Variants in BLM observed in about 807,000 individuals in gnomAD.
The protein encoded by BLM is BLM RecQ like helicase.
In BLM, 95 loss-of-function variants were observed where a neutral mutation model predicts 135.3. The observed-to-expected ratio is 0.70, with a 90% CI of 0.59 to 0.83. BLM has a LOEUF of 0.83. BLM is among the 40% of genes least tolerant of loss of function. The pLI, the probability that BLM is intolerant of heterozygous loss-of-function variation, is 0.00. For missense variants in BLM, 1,518 were observed against 1,663.9 expected (o/e 0.91, Z 1.53); for synonymous variants, 520 against 589.2 (o/e 0.88, Z 1.70).
At chr15:90,781,643 A>G (rs1040639877) in intron 12 of BLM, among the ~76,000 whole-genome samples, 4 of 152,082 alleles carry the variant, frequency 2.6e-5, no homozygotes, top group Non-Finnish European at 4.4e-5. Flanking sequence ...ATAATAATAC[A>G]CTAACAGTAA....
chr15:90,741,657 A>G (rs1895367377), intron 1 of BLM, among the ~76,000 whole-genome samples: 1 of 152,108 alleles, frequency 6.6e-6, no homozygotes, highest in African/African-American at 2.4e-5. Flanking sequence ...AGCTATATTT[A>G]TCTTTAGCCA....
chr15:90,803,441 A>T (rs553315900), intron 17 of BLM, 80 bp from the exon 18 acceptor site: 2 of 1,330,546 alleles, frequency 1.5e-6, no homozygotes, highest in East Asian at 4.7e-5. Context: ...CCTGTCCATA[A>T]ATGACTTTTT....
chr15:90,786,747 C>T (rs999765614), intron 14 of BLM, among the ~76,000 whole-genome samples: 3 of 151,600 alleles, frequency 2.0e-5, no homozygotes, highest in East Asian at 2.0e-4. Context: ...CCCAAGTAGC[C>T]GGGACTATAG....
At chr15:90,784,327 CTT>C (rs769540432) in intron 13 of BLM, among the ~76,000 whole-genome samples, 992 of 69,970 alleles carry the variant, frequency 0.014, 8 homozygotes, top group African/African-American at 0.06. Context: ...AATGGCTTTT[CTT>C]TTTTTTTTTT....
intron 1 of BLM, among the ~76,000 whole-genome samples, chr15:90,745,257 C>G (rs1895469751): frequency 6.6e-6 from 1 of 151,988 alleles, no homozygotes; most frequent in African/African-American, 2.4e-5. Flanking sequence ...TAAGGATGAT[C>G]ACTGTATTGG....
chr15:90,794,983 C>A (rs1483631136), intron 16 of BLM, among the ~76,000 whole-genome samples: 1 of 152,024 alleles, frequency 6.6e-6, no homozygotes, highest in African/African-American at 2.4e-5. Context: ...TCATTAGGTA[C>A]TTATTTTACC....
chr15:90,760,319 A>G (rs1895939231), intron 6 of BLM, 40 bp downstream of exon 6: 1 of 1,612,236 alleles, frequency 6.2e-7, no homozygotes, highest in Non-Finnish European at 8.5e-7. Flanking sequence ...ATCTGATTAT[A>G]TTTCTACCAC....
At chr15:90,774,204 A>G (rs1042340020) in intron 12 of BLM, among the ~76,000 whole-genome samples, 67 of 150,534 alleles carry the variant, frequency 4.5e-4, no homozygotes, top group African/African-American at 1.5e-3. Flanking sequence ...CCTCCCAAGT[A>G]GCTGGGACTA....
At chr15:90,796,004 G>A (rs545238771) in intron 16 of BLM, among the ~76,000 whole-genome samples, 1 of 152,192 alleles carries the variant, frequency 6.6e-6, no homozygotes. Flanking sequence ...GTGGGGGTGT[G>A]CCTGGTGTGT....
At chr15:90,798,157 T>C (rs551899326) in intron 16 of BLM, 33 bp from the exon 17 acceptor site, 1 of 1,563,384 alleles carries the variant, frequency 6.4e-7, no homozygotes, top group East Asian at 2.3e-5. Context: ...GTTACCTTAA[T>C]TATAGCAGAA....
chr15:90,734,710 G>GAGAGAGAGAGAGAGAGACTTTATTCCTA (rs1895163994), intron 1 of BLM, among the ~76,000 whole-genome samples: 1 of 148,098 alleles, frequency 6.8e-6, no homozygotes, highest in Admixed American at 6.7e-5. Context: ...GAGAGAGAGA[G>GAGAGAGAGAGAGAGAGACTTTATTCCTA]AGAGAGAGAG....
rs61059865 is a variant in BLM, at chr15:90,789,987, GTTTTTTTTTTTTTTTTTTTTTTT to G, written c.2824-648_2824-626del. Among the ~76,000 whole-genome samples, 3 of 57,378 alleles carry G rather than the reference GTTTTTTTTTTTTTTTTTTTTTTT, an allele frequency of 5.2e-5. No homozygotes were observed. The Admixed American group carries it at 7.1e-4, about 14-fold the overall frequency. The allele number at this position is 57,378 out of a possible 152,430, so 37.6% of individuals were successfully genotyped here. On this transcript the variant is annotated intron_variant, in intron 14 of 21. Coordinates refer to ENST00000355112, the MANE Select transcript of BLM (RefSeq NM_000057.4). ...AGGTCTAAGATCCGCAGTCCCTGGT[GTTTTTTTTTTTTTTTTTTTTTTT>G]TTTTTTTTTTTTTGGTATAAGTAGC...
intron 1 of BLM, among the ~76,000 whole-genome samples, chr15:90,743,613 C>T (rs1596212343): frequency 1.3e-5 from 2 of 152,122 alleles, no homozygotes; most frequent in East Asian, 3.9e-4. Flanking sequence ...GATCATAGTG[C>T]ACTACAGCCC....
rs1285727934 is a variant in BLM at position 90,761,214 on chromosome 15, C to G, written c.1841C>G (p.Ala614Gly). ...GACTGTCTTCCAGTGTCATCTACTG[C>G]TCAAAATATAAACTTCTCAGAGTCA... Reference protein sequence around the residue: ...KTDCLPVSSTAQNINFSESIQ... With the variant: ...KTDCLPVSSTGQNINFSESIQ... The change falls in exon 7 of 22, where the codon GCT becomes GGT. Residue 614 changes from alanine to glycine, a missense_variant. Ala to Gly is a moderately conservative substitution (Grantham distance 60, BLOSUM62 0). Coordinates refer to ENST00000355112, the MANE Select transcript of BLM (RefSeq NM_000057.4). The G allele has an allele frequency of 6.5e-7, 1 of 1,530,968 alleles. No individual in the cohort carries two copies. The highest frequency in any genetic ancestry group is 2.3e-5 in the East Asian group (1 of 43,970). The allele number at this position is 1,530,968 out of a possible 1,614,324, so 94.8% of individuals were successfully genotyped here.
At chr15:90,758,563 G>A (rs1363078919) in intron 5 of BLM, among the ~76,000 whole-genome samples, 1 of 152,168 alleles carries the variant, frequency 6.6e-6, no homozygotes, top group Admixed American at 6.5e-5. Context: ...TAAAATGGGA[G>A]TGGGCTGGCA....
At chr15:90,744,161 A>G (rs993652255) in intron 1 of BLM, among the ~76,000 whole-genome samples, 1 of 152,076 alleles carries the variant, frequency 6.6e-6, no homozygotes, top group Admixed American at 6.6e-5. Flanking sequence ...GCCATAGACC[A>G]CTTTGTTCTG....
At chr15:90,768,775 G>A (rs1230639226) in intron 10 of BLM, among the ~76,000 whole-genome samples, 1 of 152,136 alleles carries the variant, frequency 6.6e-6, no homozygotes, top group Non-Finnish European at 1.5e-5. Flanking sequence ...TACCAGGCTG[G>A]AGTGCAGTGG....
chr15:90,732,947 G>A (rs1023592515), intron 1 of BLM, among the ~76,000 whole-genome samples: 1 of 152,132 alleles, frequency 6.6e-6, no homozygotes, highest in Non-Finnish European at 1.5e-5. Context: ...CAAAAACTTA[G>A]CCAGGCGTGG....
At chr15:90,799,554 G>A (rs1897114742) in intron 17 of BLM, among the ~76,000 whole-genome samples, 1 of 146,622 alleles carries the variant, frequency 6.8e-6, no homozygotes, top group Non-Finnish European at 1.5e-5. Context: ...AATGATCTAG[G>A]AAAACTTCCT....
Sources: gnomAD v4.1 joint callset for allele counts (sites outside exome capture counted in the v4.1 genomes callset) on GRCh38, gnomAD v4.1.1 for gene constraint, MANE v1.5 for transcripts, NCBI Gene and HGNC (gene_info 2026-07-23, HGNC 2026-07-21) for gene names.